The following SYNE1 variants were observed in gnomAD, a reference collection of about 807,000 sequenced individuals.
The protein encoded by SYNE1 is nesprin-1.
Under a neutral mutation model 1,111.0 loss-of-function variants are expected in SYNE1, and 616 were observed. That is an observed-to-expected ratio of 0.55 (90% CI 0.52 to 0.59). The LOEUF (loss-of-function observed/expected upper bound fraction) is 0.59, where lower values mean the gene tolerates loss of function less well. SYNE1 is among the 20% of genes least tolerant of loss of function. The pLI, the probability that SYNE1 is intolerant of heterozygous loss-of-function variation, is 0.00. For synonymous variants in SYNE1, 3,855 were observed against 3,825.8 expected, an observed-to-expected ratio of 1.01 and a Z score of -0.28; for missense variants, 10,006 against 10,417.0, an observed-to-expected ratio of 0.96 and a Z score of 1.72.
At chr6:152,401,420 A>C in intron 46 of SYNE1, 79 bp from the exon 47 acceptor site, 1 of 1,405,894 alleles carries the variant, frequency 7.1e-7, no homozygotes, top group South Asian at 1.2e-5. Context: ...GTTCACGTGC[A>C]GCTTAATTGT....
intron 3 of SYNE1, among the ~76,000 whole-genome samples, chr6:152,560,327 T>C (rs933954091): frequency 1.3e-5 from 2 of 151,908 alleles, no homozygotes; most frequent in Admixed American, 1.3e-4. Context: ...GATGGTGCCA[T>C]TGCACTCCCG....
intron 11 of SYNE1, among the ~76,000 whole-genome samples, chr6:152,496,250 T>C (rs1564452256): frequency 6.6e-6 from 1 of 152,128 alleles, no homozygotes; most frequent in Non-Finnish European, 1.5e-5. Context: ...CTCGACTTAC[T>C]GCTGAAAAAG....
chr6:152,211,137 T>A (rs2077453999), intron 124 of SYNE1, among the ~76,000 whole-genome samples: 1 of 152,190 alleles, frequency 6.6e-6, no homozygotes, highest in South Asian at 2.1e-4. Context: ...TACAAAAAAA[T>A]TTCTGTAATT....
chr6:152,303,098 CTTTTTTTT>C (rs71017533), intron 91 of SYNE1, among the ~76,000 whole-genome samples: 11 of 107,088 alleles, frequency 1.0e-4, no homozygotes, highest in African/African-American at 1.5e-4. Flanking sequence ...AACTATTATT[CTTTTTTTT>C]TTTTTTTTTT....
intron 3 of SYNE1, among the ~76,000 whole-genome samples, chr6:152,609,654 G>C (rs1199455665): frequency 6.6e-6 from 1 of 152,072 alleles, no homozygotes; most frequent in Non-Finnish European, 1.5e-5. Flanking sequence ...TCTGAGAAAG[G>C]ACAGACTGTC....
At chr6:152,462,425 T>G in intron 20 of SYNE1, 1 of 463,316 alleles carries the variant, frequency 2.2e-6, no homozygotes, top group Non-Finnish European at 3.8e-6. Context: ...AATAAATCCT[T>G]TATTATTGAA....
At chr6:152,636,882 C>G (rs1295243647) in intron 1 of SYNE1, 77 bp from the exon 2 acceptor site, 1 of 152,322 alleles carries the variant, frequency 6.6e-6, no homozygotes, top group Non-Finnish European at 1.5e-5. Context: ...CCCTGGCTGG[C>G]TCGCCCACAC....
chr6:152,427,039 A>G (rs1003288441), intron 38 of SYNE1, among the ~76,000 whole-genome samples: 4 of 152,240 alleles, frequency 2.6e-5, no homozygotes, highest in Non-Finnish European at 4.4e-5. Context: ...ATTTTCCAGC[A>G]TAGACAGTAT....
intron 101 of SYNE1, among the ~76,000 whole-genome samples, chr6:152,257,514 G>T (rs1428703841): frequency 6.6e-6 from 1 of 152,158 alleles, no homozygotes; most frequent in Admixed American, 6.5e-5. Flanking sequence ...GTGGGCAAAA[G>T]AGCAAGACCC....
Position 152,176,432 on chromosome 6 carries a change from GT to G in SYNE1, c.23588del (p.Asn7863ThrfsTer15). The G allele has an allele frequency of 1.2e-6, 2 of 1,614,172 alleles. No homozygotes were observed. The highest frequency in any genetic ancestry group is 1.7e-6 in the Non-Finnish European group (2 of 1,180,008). ...GGTCCAGGAGATGCTGCCACCGGTC[GT>G]TGACCTTTCCCAGCTTGTATTCAAT... is the stretch of plus-strand genomic sequence containing the variant. ...SEIEYKLGKV[N>X]DRWQHLLDLI... On this transcript the variant is annotated frameshift_variant, in exon 130 of 146. Coordinates refer to ENST00000367255, the MANE Select transcript of SYNE1 (RefSeq NM_182961.4). LOFTEE classifies it high-confidence loss of function.
At chr6:152,446,165 A>T (rs1011302787) in intron 29 of SYNE1, among the ~76,000 whole-genome samples, 9 of 149,242 alleles carry the variant, frequency 6.0e-5, no homozygotes, top group African/African-American at 2.2e-4. Flanking sequence ...GTCTGTGAAT[A>T]ACGACAAGTA....
In SYNE1 at chr6:152,410,834, T is replaced by C. The variant is rs113042859; in HGVS notation, c.6231-1125A>G. Among the ~76,000 whole-genome samples the C allele has an allele frequency of 6.6e-3, 1,007 of 152,316 alleles. 13 individuals carry two copies. Among genetic ancestry groups the C allele is most frequent in the African/African-American group, 0.022 (901 of 41,568 alleles). Reference sequence around the variant, plus strand: ...TATGTGCACTAAGATTTAGGTAAAGTGATATTCTTCATACCATTATTTGTA... The same window carrying C: ...TATGTGCACTAAGATTTAGGTAAAGCGATATTCTTCATACCATTATTTGTA... On this transcript the variant is annotated intron_variant, in intron 42 of 145. Coordinates refer to ENST00000367255, the MANE Select transcript of SYNE1 (RefSeq NM_182961.4).
intron 59 of SYNE1, among the ~76,000 whole-genome samples, chr6:152,370,714 A>T (rs1440674664): frequency 6.6e-6 from 1 of 152,202 alleles, no homozygotes; most frequent in African/African-American, 2.4e-5. Context: ...TGTAAAAACA[A>T]CCAGTACTTT....
At chr6:152,125,302 A>G in intron 145 of SYNE1, 1 of 1,550,464 alleles carries the variant, frequency 6.4e-7, no homozygotes, top group Non-Finnish European at 8.7e-7. Flanking sequence ...AGAATCCTGA[A>G]CTTGCATCCT....
chr6:152,573,378 G>A (rs530364982), intron 3 of SYNE1, among the ~76,000 whole-genome samples: 12 of 130,828 alleles, frequency 9.2e-5, no homozygotes, highest in African/African-American at 3.7e-4. Context: ...TCCCCTTCCT[G>A]TGTCCATGTG....
At chr6:152,160,953 TAC>T (rs1225410979) in intron 131 of SYNE1, among the ~76,000 whole-genome samples, 1 of 152,066 alleles carries the variant, frequency 6.6e-6, no homozygotes, top group South Asian at 2.1e-4. Context: ...TGAATATATA[TAC>T]ACACACATAT....
chr6:152,437,519 G>A (rs2098484435), intron 32 of SYNE1, among the ~76,000 whole-genome samples: 2 of 151,934 alleles, frequency 1.3e-5, no homozygotes, highest in Non-Finnish European at 2.9e-5. Context: ...GATTTATTAA[G>A]CCAATATACT....
chr6:152,306,923 A>G (rs911123953), intron 91 of SYNE1, among the ~76,000 whole-genome samples: 1 of 150,280 alleles, frequency 6.7e-6, no homozygotes, highest in East Asian at 1.9e-4. Context: ...AAAAAAAAAA[A>G]AGCACAAGTT....
In SYNE1 at chr6:152,323,524, G is replaced by A. The variant is rs766428352; in HGVS notation, c.15871C>T (p.Pro5291Ser). 6.2e-7 allele frequency: 1 copy of A among 1,613,998 alleles called. No homozygotes were observed. The highest frequency in any genetic ancestry group is 2.2e-5 in the East Asian group (1 of 44,892). Residue 5291 changes from proline (P) to serine (S), a missense_variant, in exon 82 of 146, where the codon CCT (proline) becomes TCT (serine). Pro to Ser is a moderately conservative substitution (Grantham distance 74, BLOSUM62 -1). Coordinates refer to ENST00000367255, the MANE Select transcript of SYNE1 (RefSeq NM_182961.4). ...DGAAPTPGEE[P>S]PLMQEITAMQ... ...GCGGTGATTTCCTGCATGAGCGGAG[G>A]CTCTTCCCCAGGGGTTGGGGCGGCT...
Sources: gnomAD v4.1 joint callset for allele counts (sites outside exome capture counted in the v4.1 genomes callset) on GRCh38, gnomAD v4.1.1 for gene constraint, MANE v1.5 for transcripts, NCBI Gene and HGNC (gene_info 2026-07-23, HGNC 2026-07-21) for gene names.